Variants in SLIT2 observed in about 807,000 individuals in gnomAD.
SLIT2 encodes slit homolog 2 protein.
In SLIT2, 41 loss-of-function variants were observed where a neutral mutation model predicts 185.7. The ratio of observed to expected loss-of-function variants is 0.22; its 90% CI spans 0.17 to 0.29. SLIT2 has a LOEUF of 0.29. SLIT2 is among the 10% of genes least tolerant of loss of function. The pLI is 1.00. For missense variants in SLIT2, 1,571 were observed against 1,909.0 expected, an observed-to-expected ratio of 0.82 and a Z score of 3.30; for synonymous variants, 693 against 680.2, an observed-to-expected ratio of 1.02 and a Z score of -0.29.
intron 4 of SLIT2, among the ~76,000 whole-genome samples, chr4:20,407,184 T>C (rs1261342754): frequency 1.3e-5 from 2 of 152,118 alleles, no homozygotes; most frequent in Non-Finnish European, 2.9e-5. Context: ...GAGTTGCTAG[T>C]AATGTTTTGT....
chr4:20,557,759 T>C (rs1214011700), intron 26 of SLIT2, among the ~76,000 whole-genome samples: 1 of 152,102 alleles, frequency 6.6e-6, no homozygotes, highest in East Asian at 1.9e-4. Context: ...GCATAGTAAA[T>C]TGAAATCCTT....
Position 20,254,558 on chromosome 4 carries a change from G to A in SLIT2, c.179+564G>A, listed in dbSNP as rs1394700206. The stretch of plus-strand genomic sequence containing the variant: ...CTTCTCACAGGTCGCGGGGAGAAGG[G>A]TGCCCCAGGACGGCGACACCTCGCA... On this transcript the variant is annotated intron_variant, in intron 1 of 36. Transcript: ENST00000504154. This position sits in a 1 kb window ranked among gnomAD's most constrained non-coding sequence, Gnocchi z 5.1. Among the ~76,000 whole-genome samples the A allele has an allele frequency of 2.0e-5, 3 of 152,144 alleles. No homozygotes were observed. Among genetic ancestry groups the A allele is most frequent in the Non-Finnish European group, 4.4e-5 (3 of 68,020 alleles).
At chr4:20,313,618 G>T (rs987212554) in intron 4 of SLIT2, among the ~76,000 whole-genome samples, 1 of 152,020 alleles carries the variant, frequency 6.6e-6, no homozygotes, top group Non-Finnish European at 1.5e-5. Context: ...GTGTTAAAGC[G>T]GTGGTCCCCA....
chr4:20,279,013 C>T (rs1453378145), intron 4 of SLIT2, among the ~76,000 whole-genome samples: 4 of 151,998 alleles, frequency 2.6e-5, no homozygotes, highest in Non-Finnish European at 5.9e-5. Context: ...TCATACATTC[C>T]TTTTTTGAAA....
At chr4:20,279,255 C>T (rs925147334) in intron 4 of SLIT2, among the ~76,000 whole-genome samples, 2 of 152,166 alleles carry the variant, frequency 1.3e-5, no homozygotes, top group Admixed American at 6.5e-5. Flanking sequence ...ATTTATATCA[C>T]ACTCTTTCAC....
intron 4 of SLIT2, among the ~76,000 whole-genome samples, chr4:20,302,369 A>G (rs1717136323): frequency 6.6e-6 from 1 of 152,220 alleles, no homozygotes; most frequent in Non-Finnish European, 1.5e-5. Flanking sequence ...ATGTGATGGA[A>G]ACTTCATCTT....
At chr4:20,466,785 G>A (rs1224207823) in intron 4 of SLIT2, among the ~76,000 whole-genome samples, 2 of 152,044 alleles carry the variant, frequency 1.3e-5, no homozygotes, top group African/African-American at 2.4e-5. Context: ...ATTTCTTTGT[G>A]AGCATCAGTT....
chr4:20,445,811 A>G (rs747196137), intron 4 of SLIT2, among the ~76,000 whole-genome samples: 17 of 152,148 alleles, frequency 1.1e-4, no homozygotes, highest in Non-Finnish European at 2.2e-4. Flanking sequence ...ACCAATTACT[A>G]CCTCTGCAAC....
At chr4:20,545,303 T>G (rs1400134817) in intron 21 of SLIT2, among the ~76,000 whole-genome samples, 2 of 152,028 alleles carry the variant, frequency 1.3e-5, no homozygotes, top group Non-Finnish European at 2.9e-5. Context: ...GAGATGAAAT[T>G]TATTTTCCTT....
intron 4 of SLIT2, among the ~76,000 whole-genome samples, chr4:20,368,219 CAA>C (rs71653879): frequency 7.4e-4 from 80 of 107,388 alleles, no homozygotes; most frequent in Non-Finnish European, 1.1e-3. Context: ...CACAAAATAG[CAA>C]AAAAAAAAAA....
rs545552811 is a variant in SLIT2 at position 20,375,889 on chromosome 4, G to C, written c.396-91863G>C. 5.3e-4 allele frequency among the ~76,000 whole-genome samples: 80 copies of C among 151,892 alleles called. No homozygotes were observed. The South Asian group carries it at 0.015, about 28-fold the overall frequency. On this transcript the variant is annotated intron_variant, in intron 4 of 36. Coordinates refer to ENST00000504154, the MANE Select transcript of SLIT2 (RefSeq NM_004787.4). Reference sequence around the variant, plus strand: ...TGTTCTTCAAATATTGAAGCATCAGGATCCCTTTATATTCTTAGAACTTGT... The same window carrying C: ...TGTTCTTCAAATATTGAAGCATCAGCATCCCTTTATATTCTTAGAACTTGT...
intron 29 of SLIT2, among the ~76,000 whole-genome samples, chr4:20,572,437 AT>A (rs2148921473): frequency 6.6e-6 from 1 of 152,272 alleles, no homozygotes; most frequent in Non-Finnish European, 1.5e-5. Flanking sequence ...GCTTGAGAGA[AT>A]TTTGTTGATT....
chr4:20,413,132 C>CT (rs1727383319), intron 4 of SLIT2, among the ~76,000 whole-genome samples: 1 of 151,836 alleles, frequency 6.6e-6, no homozygotes, highest in Non-Finnish European at 1.5e-5. Flanking sequence ...TACTTTTTTT[C>CT]TAAGTGCTGC....
intron 29 of SLIT2, among the ~76,000 whole-genome samples, chr4:20,575,483 G>A (rs902162320): frequency 1.3e-5 from 2 of 152,168 alleles, no homozygotes; most frequent in Admixed American, 6.5e-5. Flanking sequence ...ATGAAACAAC[G>A]ATAAACCACT....
At chr4:20,332,661 G>A (rs1318652768) in intron 4 of SLIT2, among the ~76,000 whole-genome samples, 2 of 151,836 alleles carry the variant, frequency 1.3e-5, no homozygotes, top group Non-Finnish European at 2.9e-5. Flanking sequence ...GCAACAAAGT[G>A]AGACTCCTTC....
chr4:20,404,249 T>G (rs1726591436), intron 4 of SLIT2, among the ~76,000 whole-genome samples: 1 of 152,028 alleles, frequency 6.6e-6, no homozygotes, highest in African/African-American at 2.4e-5. Flanking sequence ...TAAGCAGATG[T>G]TCTAGGCTAT....
At chr4:20,405,080 T>TA (rs919469937) in intron 4 of SLIT2, among the ~76,000 whole-genome samples, 50 of 152,050 alleles carry the variant, frequency 3.3e-4, no homozygotes, top group African/African-American at 1.2e-3. Flanking sequence ...ATTCTGAATT[T>TA]AAAAAATACA....
intron 14 of SLIT2, among the ~76,000 whole-genome samples, chr4:20,524,930 C>T (rs1038457826): frequency 6.6e-6 from 1 of 152,126 alleles, no homozygotes; most frequent in South Asian, 2.1e-4. Context: ...CAGTTAATTT[C>T]ATACTAAAAA....
rs141752029 is a variant in SLIT2 at position 20,596,555 on chromosome 4, A to G, written c.3461A>G (p.Glu1154Gly). The G allele has an allele frequency of 6.2e-7, 1 of 1,614,042 alleles. No individual in the cohort carries two copies. Among genetic ancestry groups the G allele is most frequent in the African/African-American group, 1.3e-5 (1 of 75,034 alleles). The change falls in exon 32 of 37, where the codon GAA (glutamate) becomes GGA (glycine). Residue 1154 changes from glutamate (E) to glycine (G), a missense_variant. Coordinates refer to ENST00000504154, the MANE Select transcript of SLIT2 (RefSeq NM_004787.4). ...CAGTGTTTGCCTGGCTATCAGGGAG[A>G]AAAGTGTGAAAAATTGGTTAGTGTG... ...ICQCLPGYQGEKCEKLVSVNF... is the reference protein window; with the variant it reads ...ICQCLPGYQGGKCEKLVSVNF...
Sources: gnomAD v4.1 joint callset for allele counts (sites outside exome capture counted in the v4.1 genomes callset) on GRCh38, gnomAD v4.1.1 for gene constraint, Gnocchi (gnomAD v3.1) non-coding constraint, MANE v1.5 for transcripts, NCBI Gene and HGNC (gene_info 2026-07-23, HGNC 2026-07-21) for gene names.